The following STYXL1 variants were observed in gnomAD, a reference collection of about 807,000 sequenced individuals.
STYXL1 encodes the protein serine/threonine/tyrosine-interacting-like protein 1.
STYXL1 carries 32 observed loss-of-function variants against 36.4 expected under a neutral mutation model. The observed-to-expected ratio is 0.88, with a 90% CI of 0.66 to 1.18. The LOEUF is 1.18. Ranked by LOEUF, STYXL1 falls within the 50% of genes most tolerant of loss-of-function variation. The probability of loss-of-function intolerance (pLI) is 0.00; values close to 1 mark genes in which losing one functional copy is unlikely to be tolerated. For missense variants in STYXL1, 354 were observed against 394.1 expected (o/e 0.90, Z 0.86); for synonymous variants, 133 against 144.1 (o/e 0.92, Z 0.55).
intron 4 of STYXL1, among the ~76,000 whole-genome samples, chr7:76,020,027 G>T (rs1408365298): frequency 6.6e-6 from 1 of 151,704 alleles, no homozygotes; most frequent in Non-Finnish European, 1.5e-5. Context: ...GATGCCATTT[G>T]AAACAAGAAA....
intron 1 of STYXL1, among the ~76,000 whole-genome samples, chr7:76,035,044 C>A (rs1387073880): frequency 1.3e-5 from 2 of 150,628 alleles, no homozygotes; most frequent in Non-Finnish European, 3.0e-5. Context: ...CCTCATTTAG[C>A]CTTCTCAGTC....
chr7:76,044,936 T>C (rs1482986429), intron 1 of STYXL1: 2 of 152,194 alleles, frequency 1.3e-5, no homozygotes, highest in African/African-American at 4.8e-5. Flanking sequence ...GCTCAAGTGA[T>C]CGTCCGCCTT....
chr7:76,013,416 T>G (rs952670984), intron 5 of STYXL1, among the ~76,000 whole-genome samples: 1 of 151,494 alleles, frequency 6.6e-6, no homozygotes, highest in Admixed American at 6.6e-5. Flanking sequence ...TAGTTTTTTT[T>G]TTGTTTGTTT....
At chr7:76,033,834 T>C (rs1795651005) in intron 1 of STYXL1, among the ~76,000 whole-genome samples, 2 of 152,206 alleles carry the variant, frequency 1.3e-5, no homozygotes, top group Admixed American at 6.6e-5. Flanking sequence ...CCTCCAATTA[T>C]GCTGTCCCTG....
intron 8 of STYXL1, among the ~76,000 whole-genome samples, chr7:75,997,637 G>A (rs899825537): frequency 3.3e-5 from 5 of 152,158 alleles, no homozygotes; most frequent in Admixed American, 6.5e-5. Flanking sequence ...AGAAATAAAA[G>A]GCATCTACAA....
intron 2 of STYXL1, 118 bp downstream of exon 2, chr7:76,030,303 G>A (rs74754384): frequency 0.018 from 12,978 of 734,004 alleles, 157 homozygotes; most frequent in Non-Finnish European, 0.023. Context: ...CCAGCCCAGG[G>A]ATCCCTGTTC....
intron 1 of STYXL1, among the ~76,000 whole-genome samples, chr7:76,047,078 G>T (rs981980322): frequency 6.8e-5 from 8 of 117,088 alleles, no homozygotes; most frequent in Non-Finnish European, 1.3e-4. Flanking sequence ...TGACCAACGT[G>T]GTGAAACCCC....
chr7:76,043,678 G>A (rs934316242), intron 1 of STYXL1, among the ~76,000 whole-genome samples: 5 of 152,060 alleles, frequency 3.3e-5, no homozygotes, highest in Non-Finnish European at 7.4e-5. Context: ...GATGTCGAAG[G>A]GGCTTTTCTT....
intron 5 of STYXL1, among the ~76,000 whole-genome samples, chr7:76,009,339 C>T (rs1554571531): frequency 6.7e-6 from 1 of 150,314 alleles, no homozygotes. Flanking sequence ...CGCCTAAAAC[C>T]AGGGCATCAT....
intron 2 of STYXL1, 28 bp downstream of exon 2, chr7:76,030,393 C>A (rs782651059): frequency 9.1e-6 from 14 of 1,530,770 alleles, no homozygotes; most frequent in South Asian, 2.2e-5. Flanking sequence ...CTGTGTTTGA[C>A]CTCCTCCGCT....
intron 7 of STYXL1, among the ~76,000 whole-genome samples, chr7:76,002,813 A>T (rs1001774920): frequency 1.1e-4 from 17 of 152,148 alleles, no homozygotes; most frequent in Admixed American, 6.6e-5. Context: ...AGTCCCAGCT[A>T]CTTGGGAGGC....
At chr7:76,033,039 G>C (rs1422902729) in intron 1 of STYXL1, among the ~76,000 whole-genome samples, 1 of 152,204 alleles carries the variant, frequency 6.6e-6, no homozygotes, top group Non-Finnish European at 1.5e-5. Flanking sequence ...TGTGTCCAGA[G>C]CTAGGCTCGG....
At chr7:76,026,121 G>C (rs1563503667) in intron 3 of STYXL1, among the ~76,000 whole-genome samples, 1 of 138,988 alleles carries the variant, frequency 7.2e-6, no homozygotes, top group Non-Finnish European at 1.5e-5. Flanking sequence ...TAACCCGGGA[G>C]GTGGAGCGTG....
In STYXL1 at chr7:76,047,642, C is replaced by A. The variant is rs572612646; in HGVS notation, c.-5+20G>T. On this transcript the variant is annotated intron_variant, in intron 1 of 8. Transcript: ENST00000359697. ...CTTCCTCCCACCCCGCCTAAGGACT[C>A]TCAGCCTCCCTGACCCTACCTTTCC... is the stretch of plus-strand genomic sequence containing the variant. 6.4e-5 allele frequency: 11 copies of A among 171,572 alleles called. No homozygotes were observed. In the South Asian group the frequency reaches 1.2e-3, roughly 19 times the overall value. The allele number at this position is 171,572 out of a possible 1,614,324, so 10.6% of individuals were successfully genotyped here. A position where few individuals can be genotyped will look rare whatever the true frequency, so the allele number is the denominator to read the frequency against.
chr7:76,041,933 G>T lies in STYXL1; in HGVS notation c.-5+5729C>A, dbSNP rs568857167. On this transcript the variant is annotated intron_variant, in intron 1 of 8. Coordinates refer to ENST00000359697, the MANE Select transcript of STYXL1 (RefSeq NM_001317785.2). ...GTTTGTTTTGGGTGGTTGTTACAAGGGTGGAATTTGTCAAAACCAAACTGA... is the reference window on the plus strand; with the variant it reads ...GTTTGTTTTGGGTGGTTGTTACAAGTGTGGAATTTGTCAAAACCAAACTGA... Among the ~76,000 whole-genome samples the T allele has an allele frequency of 7.9e-5, 12 of 152,274 alleles. No homozygotes were observed. The East Asian group carries it at 2.3e-3, about 29-fold the overall frequency.
At chr7:76,022,037 G>A in intron 3 of STYXL1, 45 bp from the exon 4 acceptor site, 1 of 1,585,916 alleles carries the variant, frequency 6.3e-7, no homozygotes, top group Non-Finnish European at 8.5e-7. Context: ...CTGTTGGTGG[G>A]CAGGTTCGGT....
chr7:76,023,625 T>C (rs1794336354), intron 3 of STYXL1, among the ~76,000 whole-genome samples: 1 of 151,076 alleles, frequency 6.6e-6, no homozygotes, highest in Non-Finnish European at 1.5e-5. Flanking sequence ...TACTCGGGAG[T>C]CTGAGGTGAG....
In STYXL1 at chr7:76,021,328, G is replaced by A. The variant is rs1043560712; in HGVS notation, c.307+523C>T. Among the ~76,000 whole-genome samples, 7 of 152,158 alleles carry A rather than the reference G, an allele frequency of 4.6e-5. No individual in the cohort carries two copies. The East Asian group carries it at 5.8e-4, about 13-fold the overall frequency. On this transcript the variant is annotated intron_variant, in intron 4 of 8. Coordinates refer to ENST00000359697, the MANE Select transcript of STYXL1 (RefSeq NM_001317785.2). ...AATCTCCTGACCTTGTGATCCGCCC[G>A]CCTCGGCCTCCCAAAGTGCTGGGAT... is the stretch of plus-strand genomic sequence containing the variant.
intron 3 of STYXL1, 83 bp downstream of exon 3, chr7:76,028,559 G>C: frequency 6.1e-6 from 8 of 1,304,286 alleles, no homozygotes; most frequent in African/African-American, 1.5e-5. Flanking sequence ...GCTGCCCGCT[G>C]GATTGAGGGT....
Sources: gnomAD v4.1 joint callset for allele counts (sites outside exome capture counted in the v4.1 genomes callset) on GRCh38, gnomAD v4.1.1 for gene constraint, MANE v1.5 for transcripts, NCBI Gene and HGNC (gene_info 2026-07-23, HGNC 2026-07-21) for gene names.